The following CABLES1 variants were observed in gnomAD, a reference collection of about 807,000 sequenced individuals.
The protein encoded by CABLES1 is Cdk5 and Abl enzyme substrate 1.
Under a neutral mutation model 57.8 loss-of-function variants are expected in CABLES1, and 36 were observed. The ratio of observed to expected loss-of-function variants is 0.62; its 90% confidence interval spans 0.48 to 0.82. The LOEUF (loss-of-function observed/expected upper bound fraction) is 0.82. Ranked by LOEUF, CABLES1 falls within the 40% of genes least tolerant of loss-of-function variation. CABLES1 has a pLI of 0.00. For synonymous variants in CABLES1, 374 were observed against 363.0 expected (o/e 1.03, Z -0.35); for missense variants, 767 against 836.6 (o/e 0.92, Z 1.03).
intron 1 of CABLES1, among the ~76,000 whole-genome samples, chr18:23,168,023 C>T (rs777242734): frequency 8.5e-5 from 13 of 152,192 alleles, no homozygotes; most frequent in African/African-American, 1.9e-4. Context: ...TGGGAACTCC[C>T]GGGACTGACC....
At chr18:23,233,387 T>C (rs574084132) in intron 4 of CABLES1, among the ~76,000 whole-genome samples, 6 of 152,166 alleles carry the variant, frequency 3.9e-5, no homozygotes, top group Non-Finnish European at 5.9e-5. Context: ...AGAAATGACA[T>C]TGGATGAACT....
chr18:23,143,615 G>A lies in CABLES1; in HGVS notation c.845+7008G>A, dbSNP rs552056397. On this transcript the variant is annotated intron_variant, in intron 1 of 9. Transcript: ENST00000256925. ...GCCTTTGTGCTACAAGGACAGAATC[G>A]AGTAGTTGCGACAGAGACCACATGG... Among the ~76,000 whole-genome samples, 18 of 152,334 alleles carry A rather than the reference G, an allele frequency of 1.2e-4. No homozygotes were observed. The South Asian group carries it at 3.3e-3, about 28-fold the overall frequency.
intron 3 of CABLES1, among the ~76,000 whole-genome samples, chr18:23,200,702 C>G (rs2047319355): frequency 6.6e-6 from 1 of 152,202 alleles, no homozygotes; most frequent in Admixed American, 6.5e-5. Context: ...TCAACTTCGA[C>G]TCCTCATTGA....
At chr18:23,164,184 C>T (rs1656587626) in intron 1 of CABLES1, among the ~76,000 whole-genome samples, 2 of 152,224 alleles carry the variant, frequency 1.3e-5, no homozygotes, top group Non-Finnish European at 2.9e-5. Context: ...TATCTAAAGG[C>T]TCTTTTATTA....
At chr18:23,175,440 G>A (rs1342936901) in intron 1 of CABLES1, among the ~76,000 whole-genome samples, 1 of 152,100 alleles carries the variant, frequency 6.6e-6, no homozygotes, top group Non-Finnish European at 1.5e-5. Context: ...CGAAGGTCTT[G>A]GAGTAAAAAT....
intron 3 of CABLES1, among the ~76,000 whole-genome samples, chr18:23,203,458 T>TAA (rs10617500): frequency 3.6e-5 from 5 of 140,510 alleles, no homozygotes; most frequent in Admixed American, 6.9e-5. Context: ...TAGGATATGT[T>TAA]AAAAAAAAAA....
At chr18:23,220,304 G>A (rs1433667260) in intron 4 of CABLES1, among the ~76,000 whole-genome samples, 1 of 152,184 alleles carries the variant, frequency 6.6e-6, no homozygotes, top group East Asian at 1.9e-4. Context: ...TGCTTACAGT[G>A]TATGGCATCC....
chr18:23,258,204 G>A lies in CABLES1; in HGVS notation c.*837G>A, dbSNP rs1007693782. 6.6e-6 allele frequency: 1 copy of A among 152,654 alleles called. No individual in the cohort carries two copies. The highest frequency in any genetic ancestry group is 1.5e-5 in the Non-Finnish European group (1 of 68,040). 9.5% of individuals were successfully genotyped at this position (152,654 alleles called of 1,614,324 possible). On this transcript the variant is annotated 3_prime_UTR_variant, in exon 10 of 10. Coordinates refer to ENST00000256925, the MANE Select transcript of CABLES1 (RefSeq NM_001100619.3). Reference sequence around the variant, plus strand: ...CCTGCCGTCTGCCACCCCGCCACGTGTATTTAACCCTCGCACTTTCTCCAC... The same window carrying A: ...CCTGCCGTCTGCCACCCCGCCACGTATATTTAACCCTCGCACTTTCTCCAC...
At chr18:23,182,458 C>G (rs1447103147) in intron 1 of CABLES1, among the ~76,000 whole-genome samples, 1 of 152,204 alleles carries the variant, frequency 6.6e-6, no homozygotes, top group Non-Finnish European at 1.5e-5. Flanking sequence ...GCACAGAACA[C>G]TGGAGCTATT....
intron 1 of CABLES1, among the ~76,000 whole-genome samples, chr18:23,150,599 C>T (rs566356011): frequency 3.3e-5 from 5 of 152,062 alleles, no homozygotes; most frequent in Non-Finnish European, 5.9e-5. Context: ...GGGGGAGCCC[C>T]GGAGGGGTGG....
intron 4 of CABLES1, among the ~76,000 whole-genome samples, chr18:23,217,025 C>T (rs552784826): frequency 3.9e-5 from 6 of 152,226 alleles, no homozygotes; most frequent in African/African-American, 1.2e-4. Context: ...ACTATTCCTC[C>T]AGATTTTATA....
intron 5 of CABLES1, 103 bp downstream of exon 5, chr18:23,234,807 C>T (rs1468905562): frequency 1.5e-5 from 14 of 925,778 alleles, no homozygotes; most frequent in Non-Finnish European, 2.4e-5. Flanking sequence ...GTGGAGGACT[C>T]GAGGTCTGGG....
chr18:23,177,761 C>A (rs1327053432), intron 1 of CABLES1, among the ~76,000 whole-genome samples: 1 of 152,094 alleles, frequency 6.6e-6, no homozygotes, highest in Non-Finnish European at 1.5e-5. Context: ...GAGGTACTCT[C>A]TTCTCCTCTC....
chr18:23,213,584 A>G (rs1269142443), intron 3 of CABLES1, among the ~76,000 whole-genome samples: 1 of 152,142 alleles, frequency 6.6e-6, no homozygotes, highest in African/African-American at 2.4e-5. Context: ...TATTGCTCTC[A>G]CATTGTTTAC....
chr18:23,176,211 A>G (rs528991090), intron 1 of CABLES1, among the ~76,000 whole-genome samples: 3 of 151,712 alleles, frequency 2.0e-5, no homozygotes, highest in South Asian at 2.1e-4. Flanking sequence ...CTGGAAGACA[A>G]TTTTTCCATG....
In CABLES1 at chr18:23,257,371, T is replaced by G; in HGVS notation, c.*4T>G. ...ACGGCTGGTCCAGAGTTCCTAGCAC[T>G]GGCCCCGAGGACAGCCAAGGGCCAT... On this transcript the variant is annotated 3_prime_UTR_variant, in exon 10 of 10. Transcript: ENST00000256925. 1 of 1,591,480 alleles carries G rather than the reference T, an allele frequency of 6.3e-7. No individual in the cohort carries two copies. Among genetic ancestry groups the G allele is most frequent in the Non-Finnish European group, 8.5e-7 (1 of 1,173,264 alleles).
At chr18:23,173,337 G>A (rs556097458) in intron 1 of CABLES1, among the ~76,000 whole-genome samples, 1 of 152,304 alleles carries the variant, frequency 6.6e-6, no homozygotes. Context: ...AAAGGGAATG[G>A]CTCTGAAATG....
At chr18:23,218,258 A>ACATCCTCACTTGCCCTGGTTCCCG (rs2047457149) in intron 4 of CABLES1, among the ~76,000 whole-genome samples, 1 of 139,072 alleles carries the variant, frequency 7.2e-6, no homozygotes, top group African/African-American at 2.7e-5. Context: ...CCTGCCTCCC[A>ACATCCTCACTTGCCCTGGTTCCCG]CATCCTCACT....
rs894341352 is a variant in CABLES1, at chr18:23,259,830, CCA to C, written c.*2466_*2467del. On this transcript the variant is annotated 3_prime_UTR_variant, in exon 10 of 10. Coordinates refer to ENST00000256925, the MANE Select transcript of CABLES1 (RefSeq NM_001100619.3). ...CTGAGGTTTTGCCCTTTGACCTCCT[CCA>C]CAGAGGGCAGCTTCAGCCCCTTGTA... 2.0e-5 allele frequency: 3 copies of C among 152,302 alleles called. No homozygotes were observed. The highest frequency in any genetic ancestry group is 7.2e-5 in the African/African-American group (3 of 41,434). 9.4% of individuals were successfully genotyped at this position (152,302 alleles called of 1,614,324 possible).
Sources: gnomAD v4.1 joint callset for allele counts (sites outside exome capture counted in the v4.1 genomes callset) on GRCh38, gnomAD v4.1.1 for gene constraint, MANE v1.5 for transcripts, NCBI Gene and HGNC (gene_info 2026-07-23, HGNC 2026-07-21) for gene names.